PPARGC1A: variants seen among roughly 807,000 people sequenced by gnomAD.
PPARGC1A encodes PPARG coactivator 1 alpha, also known as peroxisome proliferator-activated receptor gamma coactivator 1-alpha.
PPARGC1A carries 25 observed loss-of-function variants against 88.7 expected under a neutral mutation model. The observed-to-expected ratio is 0.28, with a 90% confidence interval of 0.21 to 0.39. The LOEUF (loss-of-function observed/expected upper bound fraction) is 0.39. Ranked by LOEUF, PPARGC1A falls within the 10% of genes least tolerant of loss-of-function variation. PPARGC1A has a pLI of 1.00. For missense variants in PPARGC1A, 880 were observed against 968.7 expected (o/e 0.91, Z 1.22); for synonymous variants, 363 against 355.6 (o/e 1.02, Z -0.24).
chr4:24,287,634 GCACACACACACACACACA>G, the PPARGC1A span, among the ~76,000 whole-genome samples: 2 of 142,052 alleles, frequency 1.4e-5, no homozygotes, highest in Admixed American at 1.4e-4. Context: ...AACACCACAT[GCACACACACACACACACA>G]CACACACACA....
the PPARGC1A span, among the ~76,000 whole-genome samples, chr4:24,221,568 G>C: frequency 6.6e-6 from 1 of 152,094 alleles, no homozygotes. Context: ...ACCAAACATA[G>C]AGGAAATATT....
At chr4:23,985,150 G>C in the PPARGC1A span, among the ~76,000 whole-genome samples, 1 of 152,060 alleles carries the variant, frequency 6.6e-6, no homozygotes, top group Non-Finnish European at 1.5e-5. Context: ...TTTATTACAT[G>C]GCGGTTGGGT....
chr4:24,016,097 A>T, the PPARGC1A span, among the ~76,000 whole-genome samples: 2 of 152,240 alleles, frequency 1.3e-5, no homozygotes, highest in African/African-American at 4.8e-5. Context: ...TGAAGCCAAA[A>T]TGTCAGAATT....
the PPARGC1A span, among the ~76,000 whole-genome samples, chr4:24,098,317 C>A: frequency 6.6e-6 from 1 of 152,190 alleles, no homozygotes; most frequent in Non-Finnish European, 1.5e-5. Flanking sequence ...CTTGGCTCCA[C>A]AGCAAAATAG....
At chr4:24,082,061 G>A in the PPARGC1A span, among the ~76,000 whole-genome samples, 1 of 152,086 alleles carries the variant, frequency 6.6e-6, no homozygotes, top group Non-Finnish European at 1.5e-5. Context: ...TCTCCCTAAA[G>A]TGTAGTCATA....
the PPARGC1A span, among the ~76,000 whole-genome samples, chr4:24,406,276 G>A: frequency 6.6e-6 from 1 of 152,128 alleles, no homozygotes; most frequent in South Asian, 2.1e-4. Context: ...AAGAAGTTAG[G>A]CTGCATGTAA....
chr4:24,133,858 A>G, the PPARGC1A span, among the ~76,000 whole-genome samples: 2 of 152,174 alleles, frequency 1.3e-5, no homozygotes, highest in African/African-American at 4.8e-5. Flanking sequence ...TTCTACTAGA[A>G]TAAGGAGCAA....
chr4:24,143,608 T>C, the PPARGC1A span, among the ~76,000 whole-genome samples: 5 of 147,808 alleles, frequency 3.4e-5, no homozygotes, highest in East Asian at 1.9e-4. Flanking sequence ...GATGGATGGA[T>C]AGAAAGATGA....
At chr4:24,132,583 C>A in the PPARGC1A span, among the ~76,000 whole-genome samples, 1 of 152,256 alleles carries the variant, frequency 6.6e-6, no homozygotes, top group Middle Eastern at 3.4e-3. Context: ...TCTGAGAGCC[C>A]ACTAATGCAA....
intron 3 of PPARGC1A, 145 bp downstream of exon 3, chr4:23,831,412 A>G: frequency 1.5e-6 from 1 of 648,462 alleles, no homozygotes. Flanking sequence ...GAATCACACA[A>G]TTTGCAACTC....
chr4:24,291,255 ACACT>A, the PPARGC1A span, among the ~76,000 whole-genome samples: 1 of 152,082 alleles, frequency 6.6e-6, no homozygotes, highest in Non-Finnish European at 1.5e-5. Flanking sequence ...TGCCCATTTA[ACACT>A]CTCTCTCTCT....
At chr4:24,059,784 G>C in the PPARGC1A span, among the ~76,000 whole-genome samples, 2 of 152,278 alleles carry the variant, frequency 1.3e-5, no homozygotes, top group African/African-American at 4.8e-5. Context: ...TGGAGTCCCA[G>C]CTTTTTTCCA....
the PPARGC1A span, among the ~76,000 whole-genome samples, chr4:23,939,480 T>G: frequency 6.6e-6 from 1 of 152,220 alleles, no homozygotes; most frequent in South Asian, 2.1e-4. Flanking sequence ...CAATATATTT[T>G]CCTTCCAAAG....
intron 2 of PPARGC1A, among the ~76,000 whole-genome samples, chr4:23,865,952 T>TACACAC (rs140873233): frequency 6.7e-6 from 1 of 149,220 alleles, no homozygotes; most frequent in Non-Finnish European, 1.5e-5. Flanking sequence ...CATTTATTCC[T>TACACAC]ACACACACAC....
the PPARGC1A span, among the ~76,000 whole-genome samples, chr4:24,291,636 A>G: frequency 2.0e-5 from 3 of 152,202 alleles, no homozygotes; most frequent in Non-Finnish European, 4.4e-5. Flanking sequence ...GAAGCAGTAG[A>G]ACCGCCTTCC....
chr4:24,408,011 T>A, the PPARGC1A span, among the ~76,000 whole-genome samples: 1 of 152,160 alleles, frequency 6.6e-6, no homozygotes, highest in African/African-American at 2.4e-5. Flanking sequence ...AATTTTAATA[T>A]CACCAAAGAG....
At chr4:23,822,677 C>T (rs986644033) in intron 7 of PPARGC1A, among the ~76,000 whole-genome samples, 3 of 152,004 alleles carry the variant, frequency 2.0e-5, no homozygotes, top group Non-Finnish European at 4.4e-5. Flanking sequence ...TTATATGTTG[C>T]ACTGCATTTC....
chr4:24,020,693 G>C, the PPARGC1A span, among the ~76,000 whole-genome samples: 22 of 152,058 alleles, frequency 1.4e-4, no homozygotes, highest in Non-Finnish European at 2.2e-4. Context: ...TGAAGGCAGA[G>C]ATGAGAAAGG....
chr4:23,964,233 A>C, the PPARGC1A span, among the ~76,000 whole-genome samples: 3 of 152,216 alleles, frequency 2.0e-5, no homozygotes, highest in South Asian at 2.1e-4. Context: ...TGAGAAAATT[A>C]AGGCACAGAG....
Sources: gnomAD v4.1 joint callset for allele counts (sites outside exome capture counted in the v4.1 genomes callset) on GRCh38, gnomAD v4.1.1 for gene constraint, MANE v1.5 for transcripts, NCBI Gene and HGNC (gene_info 2026-07-23, HGNC 2026-07-21) for gene names.